USP34: variants seen among roughly 807,000 people sequenced by gnomAD.
The protein encoded by USP34 is ubiquitin specific peptidase 34.
A neutral mutation model predicts 460.3 loss-of-function variants in USP34; 70 were observed. The ratio of observed to expected loss-of-function variants is 0.15; its 90% confidence interval spans 0.13 to 0.19. The LOEUF is 0.19. Ranked by LOEUF, USP34 falls within the 10% of genes least tolerant of loss-of-function variation. The pLI, the probability that USP34 is intolerant of heterozygous loss-of-function variation, is 1.00. For missense variants in USP34, 3,985 were observed against 4,236.2 expected (o/e 0.94, Z 1.65); for synonymous variants, 1,647 against 1,405.3 (o/e 1.17, Z -3.85).
intron 33 of USP34, among the ~76,000 whole-genome samples, chr2:61,289,438 T>TA (rs1425889702): frequency 2.0e-5 from 3 of 152,088 alleles, no homozygotes; most frequent in East Asian, 3.8e-4. Flanking sequence ...TTAGTATGTA[T>TA]AAAAAATAAA....
At chr2:61,435,976 C>A (rs1165118099) in intron 1 of USP34, among the ~76,000 whole-genome samples, 1 of 152,002 alleles carries the variant, frequency 6.6e-6, no homozygotes, top group African/African-American at 2.4e-5. Flanking sequence ...TGCAGTAAAC[C>A]AAGATCACCC....
chr2:61,410,017 C>T (rs980353663), intron 2 of USP34, among the ~76,000 whole-genome samples: 2 of 152,144 alleles, frequency 1.3e-5, no homozygotes, highest in Admixed American at 6.6e-5. Flanking sequence ...CTCAATACGG[C>T]GTTTCCCTCT....
At chr2:61,386,152 T>A (rs1025633135) in intron 5 of USP34, among the ~76,000 whole-genome samples, 2 of 152,046 alleles carry the variant, frequency 1.3e-5, no homozygotes, top group East Asian at 1.9e-4. Context: ...CCCAAACCCA[T>A]GCACATAAAA....
intron 51 of USP34, among the ~76,000 whole-genome samples, chr2:61,243,279 TGGGACTACA>T (rs1688324496): frequency 6.6e-6 from 1 of 152,114 alleles, no homozygotes; most frequent in South Asian, 2.1e-4. Context: ...CCTGAGTAGC[TGGGACTACA>T]GGCACCCGCC....
chr2:61,445,408 A>G (rs994825407), intron 1 of USP34, among the ~76,000 whole-genome samples: 1 of 151,286 alleles, frequency 6.6e-6, no homozygotes, highest in Non-Finnish European at 1.5e-5. Context: ...GGTGGCAAGC[A>G]CCTGTAGTCC....
At chr2:61,241,189 G>GC (rs1558485353) in intron 53 of USP34, among the ~76,000 whole-genome samples, 2 of 151,894 alleles carry the variant, frequency 1.3e-5, no homozygotes, top group African/African-American at 4.8e-5. Flanking sequence ...GATTACAGGC[G>GC]CCCACCACCA....
chr2:61,196,069 ATT>A (rs71403398), intron 75 of USP34, among the ~76,000 whole-genome samples: 24 of 41,570 alleles, frequency 5.8e-4, no homozygotes, highest in African/African-American at 1.9e-3. Flanking sequence ...ACCATGCACG[ATT>A]TTTTTTTTTT....
chr2:61,391,423 G>T (rs1482506024), intron 5 of USP34, among the ~76,000 whole-genome samples: 1 of 152,110 alleles, frequency 6.6e-6, no homozygotes, highest in African/African-American at 2.4e-5. Flanking sequence ...TCTTCTGAAT[G>T]TGTGATTTAG....
chr2:61,316,039 T>TAAAAAA (rs539035606), intron 23 of USP34, among the ~76,000 whole-genome samples: 1 of 126,568 alleles, frequency 7.9e-6, no homozygotes, highest in Admixed American at 7.9e-5. Flanking sequence ...GTCTCTACTT[T>TAAAAAA]AAAAAAAAAA....
At chr2:61,347,287 G>C (rs2463101) in intron 15 of USP34, among the ~76,000 whole-genome samples, 82,180 of 152,128 alleles carry the variant, frequency 0.54, 22,466 homozygotes, top group South Asian at 0.73. Flanking sequence ...AAATACCTTA[G>C]TAATTTTTAT....
intron 3 of USP34, among the ~76,000 whole-genome samples, chr2:61,398,135 A>G (rs1364177817): frequency 6.6e-6 from 1 of 152,052 alleles, no homozygotes; most frequent in African/African-American, 2.4e-5. Flanking sequence ...GCACTGTGGG[A>G]GGCTGACTGC....
intron 10 of USP34, among the ~76,000 whole-genome samples, chr2:61,360,126 C>G (rs964676541): frequency 6.6e-6 from 1 of 151,716 alleles, no homozygotes; most frequent in Admixed American, 6.6e-5. Flanking sequence ...AAACTGAAAG[C>G]TTTTCCTCTA....
intron 1 of USP34, among the ~76,000 whole-genome samples, chr2:61,461,625 G>A (rs1234298903): frequency 6.6e-6 from 1 of 152,130 alleles, no homozygotes; most frequent in Admixed American, 6.6e-5. Context: ...GAGTAGCTGG[G>A]AATACTACAG....
intron 71 of USP34, among the ~76,000 whole-genome samples, chr2:61,206,505 T>G (rs887425451): frequency 2.6e-5 from 4 of 152,306 alleles, no homozygotes; most frequent in Non-Finnish European, 5.9e-5. Context: ...GTTACTGTGT[T>G]TGGAAATGTT....
At chr2:61,308,047 T>C (rs1441138752) in intron 27 of USP34, among the ~76,000 whole-genome samples, 3 of 151,216 alleles carry the variant, frequency 2.0e-5, no homozygotes, top group African/African-American at 7.3e-5. Flanking sequence ...AGACCCTGTC[T>C]CAAAAAAATA....
chr2:61,275,455 AAAAT>A (rs1307910818), intron 41 of USP34, among the ~76,000 whole-genome samples: 1 of 151,996 alleles, frequency 6.6e-6, no homozygotes, highest in African/African-American at 2.4e-5. Flanking sequence ...CATCTCTACA[AAAAT>A]AAATAAATAA....
chr2:61,247,912 C>A (rs1242501426), intron 49 of USP34, among the ~76,000 whole-genome samples: 1 of 152,144 alleles, frequency 6.6e-6, no homozygotes, highest in African/African-American at 2.4e-5. Flanking sequence ...AGAGGCCGGG[C>A]ACAGTGGCTC....
At chr2:61,265,302 T>G in intron 43 of USP34, 95 bp downstream of exon 43, 1 of 1,368,622 alleles carries the variant, frequency 7.3e-7, no homozygotes, top group Non-Finnish European at 9.9e-7. Flanking sequence ...CACAAATTAT[T>G]TTTTCAAACA....
chr2:61,415,763 C>T (rs984285144), intron 2 of USP34, among the ~76,000 whole-genome samples: 1 of 152,166 alleles, frequency 6.6e-6, no homozygotes, highest in African/African-American at 2.4e-5. Context: ...ATCCTCCCAC[C>T]ATCTGAGCTT....
Sources: allele counts gnomAD v4.1 joint callset (sites outside exome capture counted in the v4.1 genomes callset), GRCh38; gene constraint gnomAD v4.1.1; transcripts MANE v1.5; gene names NCBI Gene and HGNC (gene_info 2026-07-23, HGNC 2026-07-21).